UVRAG: variants seen among roughly 807,000 people sequenced by gnomAD.
The protein encoded by UVRAG is UV radiation resistance associated.
A neutral mutation model predicts 78.0 loss-of-function variants in UVRAG; 19 were observed. The observed-to-expected ratio is 0.24, with a 90% confidence interval of 0.17 to 0.36. The LOEUF (loss-of-function observed/expected upper bound fraction) is 0.36, where lower values mean the gene tolerates loss of function less well. UVRAG is among the 10% of genes least tolerant of loss of function. The pLI is 1.00. For missense variants in UVRAG, 740 were observed against 853.8 expected (o/e 0.87, Z 1.66); for synonymous variants, 323 against 324.6 (o/e 1.00, Z 0.05).
Position 75,877,581 on chromosome 11 carries a change from C to T in UVRAG, c.271-2298C>T, listed in dbSNP as rs544674232. 1.6e-3 allele frequency among the ~76,000 whole-genome samples: 231 copies of T among 144,018 alleles called. 1 individual carries two copies. The highest frequency in any genetic ancestry group is 9.7e-3 in the East Asian group (45 of 4,640). The allele number at this position is 144,018 out of a possible 152,430, so 94.5% of individuals were successfully genotyped here. On this transcript the variant is annotated intron_variant, in intron 3 of 14. Coordinates refer to ENST00000356136, the MANE Select transcript of UVRAG (RefSeq NM_003369.4). ...GGGCTGACCCCCCCCACCTCCCTCCCGTACGGGTCGGCTGGCCGGGCGGGG... is the reference window on the plus strand; with the variant it reads ...GGGCTGACCCCCCCCACCTCCCTCCTGTACGGGTCGGCTGGCCGGGCGGGG...
intron 13 of UVRAG, among the ~76,000 whole-genome samples, chr11:76,107,930 T>G (rs1403332565): frequency 6.6e-6 from 1 of 152,224 alleles, no homozygotes; most frequent in East Asian, 1.9e-4. Flanking sequence ...AGTTAAATCT[T>G]TGATGCATAT....
At chr11:75,898,928 C>T (rs181850639) in intron 5 of UVRAG, among the ~76,000 whole-genome samples, 139 of 152,028 alleles carry the variant, frequency 9.1e-4, no homozygotes, top group African/African-American at 3.3e-3. Context: ...CCAAACAGTA[C>T]GCAAGCAGAA....
At position 75,850,221 on chromosome 11, in the gene UVRAG, G is replaced by GT. The variant is rs574158562; in HGVS notation, c.118-1658dup. ...TGTTATTTAGGCATGGAAAGTTGGG[G>GT]TTTTCCTTTAGATTTAGTTCTAGGG... On this transcript the variant is annotated intron_variant, in intron 1 of 14. Coordinates refer to ENST00000356136, the MANE Select transcript of UVRAG (RefSeq NM_003369.4). Among the ~76,000 whole-genome samples, 319 of 152,268 alleles carry GT rather than the reference G, an allele frequency of 2.1e-3. 1 individual carries two copies. Among genetic ancestry groups the GT allele is most frequent in the Middle Eastern group, 0.014 (4 of 294 alleles).
chr11:76,046,064 C>T (rs1010444379), intron 12 of UVRAG, among the ~76,000 whole-genome samples: 2 of 152,044 alleles, frequency 1.3e-5, no homozygotes, highest in South Asian at 2.1e-4. Context: ...TCCGACTCCT[C>T]AAAGGCAGCA....
At chr11:76,008,925 C>T (rs1012274063) in intron 11 of UVRAG, 58 bp downstream of exon 11, 10 of 1,019,552 alleles carry the variant, frequency 9.8e-6, no homozygotes, top group Non-Finnish European at 1.4e-5. Context: ...AATAGAATAT[C>T]TTGAAATGCT....
intron 13 of UVRAG, among the ~76,000 whole-genome samples, chr11:76,084,491 A>G (rs1220824134): frequency 6.6e-6 from 1 of 152,234 alleles, no homozygotes; most frequent in East Asian, 1.9e-4. Flanking sequence ...AGCCATTAAA[A>G]TATACATACT....
Position 75,938,082 on chromosome 11 carries a change from T to TAC in UVRAG, c.594-23361_594-23360insCA, listed in dbSNP as rs770709572. On this transcript the variant is annotated intron_variant, in intron 6 of 14. Transcript: ENST00000356136. ...GTGTGTGTATATATATGTATATGTA[T>TAC]ATACACACACACACACATATATATA... Among the ~76,000 whole-genome samples, 604 of 149,352 alleles carry TAC rather than the reference T, an allele frequency of 4.0e-3. 1 individual carries two copies. The highest frequency in any genetic ancestry group is 7.0e-3 in the Non-Finnish European group (472 of 67,880).
rs1037893672 is a variant in UVRAG, at chr11:75,853,970, G to C, written c.235+1970G>C. 2.0e-5 allele frequency among the ~76,000 whole-genome samples: 3 copies of C among 150,638 alleles called. No individual in the cohort carries two copies. The East Asian group carries it at 6.0e-4, about 30-fold the overall frequency. On this transcript the variant is annotated intron_variant, in intron 2 of 14. Coordinates refer to ENST00000356136, the MANE Select transcript of UVRAG (RefSeq NM_003369.4). ...GTATTTTTAGTAGAGACAGGGTTTC[G>C]TCATGTTGGCCAGGCTGGTCTTGAA...
At chr11:76,120,246 G>T (rs918175090) in intron 14 of UVRAG, among the ~76,000 whole-genome samples, 6 of 152,164 alleles carry the variant, frequency 3.9e-5, no homozygotes, top group Non-Finnish European at 7.4e-5. Flanking sequence ...TTAAGAAAAA[G>T]AATACAAAAT....
At chr11:75,933,950 C>CA (rs1948302704) in intron 6 of UVRAG, among the ~76,000 whole-genome samples, 4 of 151,984 alleles carry the variant, frequency 2.6e-5, no homozygotes, top group Admixed American at 6.6e-5. Context: ...GGAGGTTCCT[C>CA]AAAAAAACTA....
intron 1 of UVRAG, among the ~76,000 whole-genome samples, chr11:75,828,795 A>ATT (rs1945588716): frequency 1.0e-5 from 1 of 97,460 alleles, no homozygotes; most frequent in Non-Finnish European, 2.1e-5. Context: ...ATATATATAT[A>ATT]TATATATATA....
intron 3 of UVRAG, among the ~76,000 whole-genome samples, chr11:75,876,265 C>T (rs1000999198): frequency 2.6e-5 from 4 of 152,198 alleles, no homozygotes; most frequent in African/African-American, 9.6e-5. Flanking sequence ...CCCTTCCATT[C>T]ACCCATTCAC....
intron 6 of UVRAG, among the ~76,000 whole-genome samples, chr11:75,958,566 A>G (rs1474999566): frequency 6.6e-6 from 1 of 152,216 alleles, no homozygotes; most frequent in Non-Finnish European, 1.5e-5. Flanking sequence ...TCTTGCTATT[A>G]AAACCATGTC....
chr11:75,998,765 C>T (rs147776293), intron 8 of UVRAG, among the ~76,000 whole-genome samples: 31 of 152,272 alleles, frequency 2.0e-4, no homozygotes, highest in Non-Finnish European at 3.1e-4. Context: ...TATGTGACTA[C>T]GGCAGATATA....
chr11:75,974,435 C>T (rs1442315952), intron 7 of UVRAG, among the ~76,000 whole-genome samples: 15 of 144,216 alleles, frequency 1.0e-4, no homozygotes, highest in Non-Finnish European at 1.8e-4. Context: ...GGCGCAATCT[C>T]GGCTCACTGC....
At chr11:75,848,502 G>A (rs1250219087) in intron 1 of UVRAG, among the ~76,000 whole-genome samples, 1 of 152,152 alleles carries the variant, frequency 6.6e-6, no homozygotes, top group Non-Finnish European at 1.5e-5. Flanking sequence ...GAATCAGAAG[G>A]TATCTTGGAG....
At chr11:76,115,669 G>C (rs943951485) in intron 13 of UVRAG, among the ~76,000 whole-genome samples, 10 of 152,204 alleles carry the variant, frequency 6.6e-5, no homozygotes, top group African/African-American at 2.4e-4. Context: ...CTAAGTTTAG[G>C]GGGCAAGAGA....
chr11:76,043,861 G>A (rs1433511136), intron 12 of UVRAG, among the ~76,000 whole-genome samples: 2 of 152,178 alleles, frequency 1.3e-5, no homozygotes, highest in Admixed American at 6.5e-5. Context: ...TTAGAATCCA[G>A]CTCTTTGTCA....
chr11:75,815,619 C>A, intron 1 of UVRAG, 95 bp downstream of exon 1: 1 of 767,076 alleles, frequency 1.3e-6, no homozygotes, highest in East Asian at 3.4e-5. Flanking sequence ...GCCGGGACAC[C>A]CAGAGCAGGG....
Sources: allele counts gnomAD v4.1 joint callset (sites outside exome capture counted in the v4.1 genomes callset), GRCh38; gene constraint gnomAD v4.1.1; transcripts MANE v1.5; gene names NCBI Gene and HGNC (gene_info 2026-07-23, HGNC 2026-07-21).